The following AP2A1 variants were observed in gnomAD, a reference collection of about 807,000 sequenced individuals.
AP2A1 encodes the protein AP-2 complex subunit alpha-1.
AP2A1 carries 21 observed loss-of-function variants against 107.3 expected under a neutral mutation model. The observed-to-expected ratio is 0.20, with a 90% CI of 0.14 to 0.28. The LOEUF (loss-of-function observed/expected upper bound fraction) is 0.28, where lower values mean the gene tolerates loss of function less well. Ranked by LOEUF, AP2A1 falls within the 10% of genes least tolerant of loss-of-function variation. The probability of loss-of-function intolerance (pLI) is 1.00; values close to 1 mark genes in which losing one functional copy is unlikely to be tolerated. For synonymous variants in AP2A1, 602 were observed against 564.8 expected (o/e 1.07, Z -0.93); for missense variants, 873 against 1,307.7 (o/e 0.67, Z 5.13).
In AP2A1 at chr19:49,798,908, C is replaced by T. The variant is rs371136598; in HGVS notation, c.921C>T (p.Asn307=). ...SKKVQHSNAK[N]AILFETISLI... ...AGGTGCAGCATTCCAACGCCAAGAA[C>T]GCCATCCTCTTCGAGACCATCAGCC... is the stretch of plus-strand genomic sequence containing the variant. The change falls in exon 8 of 23, where the codon AAC becomes AAT. Residue 307 remains asparagine, a synonymous_variant. Coordinates refer to ENST00000354293, the MANE Select transcript of AP2A1 (RefSeq NM_130787.3). The T allele has an allele frequency of 2.3e-5, 36 of 1,562,288 alleles. No individual in the cohort carries two copies. Among genetic ancestry groups the T allele is most frequent in the South Asian group, 5.9e-5 (5 of 84,728 alleles).
At chr19:49,803,696 T>C (rs937657323) in intron 18 of AP2A1, 6 of 407,110 alleles carry the variant, frequency 1.5e-5, no homozygotes, top group African/African-American at 1.0e-4. Context: ...CAGCACCGCC[T>C]GCACTCAGGA....
At chr19:49,772,023 A>T (rs565003918) in intron 1 of AP2A1, among the ~76,000 whole-genome samples, 3 of 151,962 alleles carry the variant, frequency 2.0e-5, no homozygotes, top group African/African-American at 7.3e-5. Flanking sequence ...TGAGGCCAGG[A>T]ATTTGAGACC....
At chr19:49,768,229 G>C (rs1010089553) in intron 1 of AP2A1, among the ~76,000 whole-genome samples, 1 of 152,032 alleles carries the variant, frequency 6.6e-6, no homozygotes, top group Non-Finnish European at 1.5e-5. Context: ...AAGAGTTGTC[G>C]TGACGATGGG....
chr19:49,788,238 C>T lies in AP2A1; in HGVS notation c.474-3697C>T, dbSNP rs562168371. Among the ~76,000 whole-genome samples the T allele has an allele frequency of 7.2e-5, 11 of 152,312 alleles. No homozygotes were observed. Among genetic ancestry groups the T allele is most frequent in the South Asian group, 2.1e-4 (1 of 4,824 alleles). On this transcript the variant is annotated intron_variant, in intron 4 of 22. Transcript: ENST00000354293. This position sits in a 1 kb window ranked among gnomAD's most constrained non-coding sequence, Gnocchi z 4.5. ...TGCTGAGATTACAGGCGTGAGCCAC[C>T]GCGCCTGACTTGTGGTTTTATTTTT...
chr19:49,790,464 G>A (rs2073127878), intron 4 of AP2A1, among the ~76,000 whole-genome samples: 2 of 152,060 alleles, frequency 1.3e-5, no homozygotes, highest in Non-Finnish European at 1.5e-5. Flanking sequence ...GTCTTGCTCT[G>A]CCACCCAGGC....
intron 4 of AP2A1, among the ~76,000 whole-genome samples, chr19:49,789,873 G>C (rs1822748064): frequency 1.3e-5 from 2 of 152,172 alleles, no homozygotes; most frequent in Admixed American, 6.5e-5. Flanking sequence ...TCTGACCCCA[G>C]AAGGTGCTCC....
intron 6 of AP2A1, among the ~76,000 whole-genome samples, chr19:49,794,492 G>C (rs952270184): frequency 2.6e-5 from 4 of 152,068 alleles, no homozygotes; most frequent in African/African-American, 9.7e-5. Context: ...GTGAGCCACT[G>C]CACTCAGCCT....
chr19:49,770,797 G>T (rs991045211), intron 1 of AP2A1, among the ~76,000 whole-genome samples: 2 of 152,124 alleles, frequency 1.3e-5, no homozygotes, highest in Non-Finnish European at 1.5e-5. Context: ...AAAGATTAGT[G>T]GTTGCCTAGA....
intron 6 of AP2A1, among the ~76,000 whole-genome samples, chr19:49,794,396 C>A (rs1230319488): frequency 6.6e-6 from 1 of 151,416 alleles, no homozygotes; most frequent in Non-Finnish European, 1.5e-5. Flanking sequence ...AGAGATCGGT[C>A]TTGCTTTGTC....
intron 18 of AP2A1, 177 bp downstream of exon 18, chr19:49,803,553 CAG>C (rs1329807884): frequency 1.1e-5 from 7 of 628,936 alleles, no homozygotes; most frequent in East Asian, 5.5e-5. Context: ...TCCCCCAGGA[CAG>C]GGGATGACAG....
intron 3 of AP2A1, 44 bp downstream of exon 3, chr19:49,782,133 TGCGGGGGAGGGGGCTG>T: frequency 2.8e-6 from 1 of 352,402 alleles, no homozygotes; most frequent in East Asian, 1.9e-4. Context: ...CTCCTGGGTC[TGCGGGGGAGGGGGCTG>T]GAGGTCTGGA....
chr19:49,781,366 T>C (rs550601616), intron 1 of AP2A1, among the ~76,000 whole-genome samples: 2 of 151,992 alleles, frequency 1.3e-5, no homozygotes, highest in South Asian at 4.2e-4. Context: ...GTGGTAGGGG[T>C]GAGCACCCTG....
Position 49,785,957 on chromosome 19 carries a change from G to A in AP2A1, c.473+3233G>A, listed in dbSNP as rs1386449036. On this transcript the variant is annotated intron_variant, in intron 4 of 22. Transcript: ENST00000354293. This position sits in a 1 kb window ranked among gnomAD's most constrained non-coding sequence, Gnocchi z 4.1. ...TAGTGGGGTGCAGTGGTGCACACCT[G>A]TAGTCCCAGCTACTCAGGAGGCTGA... 1.3e-5 allele frequency among the ~76,000 whole-genome samples: 2 copies of A among 151,968 alleles called. No individual in the cohort carries two copies. Among genetic ancestry groups the A allele is most frequent in the African/African-American group, 4.8e-5 (2 of 41,368 alleles).
chr19:49,767,104 G>A lies in AP2A1; in HGVS notation c.-30G>A. The A allele has an allele frequency of 6.2e-7, 1 of 1,608,466 alleles. No homozygotes were observed. The highest frequency in any genetic ancestry group is 1.1e-5 in the South Asian group (1 of 90,870). On this transcript the variant is annotated 5_prime_UTR_variant, in exon 1 of 23. Coordinates refer to ENST00000354293, the MANE Select transcript of AP2A1 (RefSeq NM_130787.3). ...CCCCCGCTGCTCTGTGCCCTGTCCG[G>A]CCAGGCCTGGAGCCGACACCACCGC... is the stretch of plus-strand genomic sequence containing the variant.
rs1382486161 is a variant in AP2A1 at position 49,788,716 on chromosome 19, A to C, written c.474-3219A>C. On this transcript the variant is annotated intron_variant, in intron 4 of 22. Transcript: ENST00000354293. This position sits in a 1 kb window ranked among gnomAD's most constrained non-coding sequence, Gnocchi z 4.5. ...CAGGGCTCGGGAGATGCGCGCCGTG[A>C]CGGAGATGGGAAAGTGGCCTGGAGT... Among the ~76,000 whole-genome samples, 2 of 150,422 alleles carry C rather than the reference A, an allele frequency of 1.3e-5. No individual in the cohort carries two copies. The highest frequency in any genetic ancestry group is 4.9e-5 in the African/African-American group (2 of 40,752).
intron 1 of AP2A1, among the ~76,000 whole-genome samples, chr19:49,771,361 CACA>C (rs1423690739): frequency 2.7e-5 from 4 of 147,936 alleles, no homozygotes; most frequent in African/African-American, 7.5e-5. Context: ...GTAATGGTTG[CACA>C]ACATCATGAA....
intron 1 of AP2A1, 117 bp from the exon 2 acceptor site, chr19:49,781,640 G>T: frequency 9.2e-7 from 1 of 1,082,936 alleles, no homozygotes; most frequent in Non-Finnish European, 1.4e-6. Context: ...TGAGCCCCAG[G>T]GCTTGGGGGC....
Position 49,795,753 on chromosome 19 carries a change from G to A in AP2A1, c.814+15G>A, listed in dbSNP as rs1289963517. The A allele has an allele frequency of 6.6e-7, 1 of 1,525,646 alleles. No individual in the cohort carries two copies. Among genetic ancestry groups the A allele is most frequent in the Non-Finnish European group, 8.9e-7 (1 of 1,127,260 alleles). The allele number at this position is 1,525,646 out of a possible 1,614,324, so 94.5% of individuals were successfully genotyped here. A position where few individuals can be genotyped will look rare whatever the true frequency, so the allele number is the denominator to read the frequency against. On this transcript the variant is annotated intron_variant, in intron 7 of 22. Transcript: ENST00000354293. ...CCCGCCTCCAGGTAATGAACGCCGT[G>A]CACTCCCCAACCCGGGGTGGCCTGC... is the stretch of plus-strand genomic sequence containing the variant.
chr19:49,769,039 C>G lies in AP2A1; in HGVS notation c.67+1839C>G, dbSNP rs556558032. The stretch of plus-strand genomic sequence containing the variant: ...CCGAGGTAGGCGGATCACCTGAGGT[C>G]AGGAGTTCAAGACCAACCTGGCCAA... On this transcript the variant is annotated intron_variant, in intron 1 of 22. Coordinates refer to ENST00000354293, the MANE Select transcript of AP2A1 (RefSeq NM_130787.3). Among the ~76,000 whole-genome samples, 127 of 152,106 alleles carry G rather than the reference C, an allele frequency of 8.3e-4. 2 individuals carry two copies. The highest frequency in any genetic ancestry group is 1.5e-3 in the Non-Finnish European group (100 of 68,030).
Sources: allele counts gnomAD v4.1 joint callset (sites outside exome capture counted in the v4.1 genomes callset), GRCh38; gene constraint gnomAD v4.1.1; non-coding constraint Gnocchi (gnomAD v3.1); transcripts MANE v1.5; gene names NCBI Gene and HGNC (gene_info 2026-07-23, HGNC 2026-07-21).